Variants in RASSF5 observed in about 807,000 individuals in gnomAD.
RASSF5 encodes the protein Ras association domain family member 5.
RASSF5 carries 25 observed loss-of-function variants against 40.5 expected under a neutral mutation model. The ratio of observed to expected loss-of-function variants is 0.62; its 90% CI spans 0.45 to 0.86. The LOEUF is 0.86. RASSF5 is among the 40% of genes least tolerant of loss of function. RASSF5 has a pLI of 0.00. For synonymous variants in RASSF5, 246 were observed against 252.4 expected (o/e 0.97, Z 0.24); for missense variants, 521 against 572.8 (o/e 0.91, Z 0.92).
chr1:206,518,477 G>T (rs1356258671), intron 1 of RASSF5: 1 of 398,552 alleles, frequency 2.5e-6, no homozygotes, highest in East Asian at 3.6e-5. Context: ...GGCTCCCGAA[G>T]AGCCGCTCGG....
rs151096829 is a variant in RASSF5 at position 206,588,249 on chromosome 1, G to C, written c.*1271G>C. On this transcript the variant is annotated 3_prime_UTR_variant, in exon 6 of 6. Coordinates refer to ENST00000579436, the MANE Select transcript of RASSF5 (RefSeq NM_182663.4). ...GTGGGAGACAAGGCCAGGAGAGCCC[G>C]CGTTCAGTATGGGTTGAGGGTCACA... 5 of 152,760 alleles carry C rather than the reference G, an allele frequency of 3.3e-5. No homozygotes were observed. The highest frequency in any genetic ancestry group is 7.3e-5 in the Non-Finnish European group (5 of 68,066). The allele number at this position is 152,760 out of a possible 1,614,324, so 9.5% of individuals were successfully genotyped here.
chr1:206,516,287 C>A (rs1558495316), intron 1 of RASSF5, among the ~76,000 whole-genome samples: 1 of 152,188 alleles, frequency 6.6e-6, no homozygotes, highest in African/African-American at 2.4e-5. Context: ...GAATGAAGAT[C>A]CTAGAGCTTC....
chr1:206,563,655 T>C (rs1477051146), intron 2 of RASSF5, among the ~76,000 whole-genome samples: 1 of 152,214 alleles, frequency 6.6e-6, no homozygotes, highest in East Asian at 1.9e-4. Flanking sequence ...TCTGCTTTTC[T>C]AATACTTTTC....
In RASSF5 at chr1:206,535,816, G is replaced by C. The variant is rs555197048; in HGVS notation, c.458-2356G>C. Among the ~76,000 whole-genome samples, 1 of 151,914 alleles carries C rather than the reference G, an allele frequency of 6.6e-6. No homozygotes were observed. Among genetic ancestry groups the C allele is most frequent in the East Asian group, 1.9e-4 (1 of 5,150 alleles). On this transcript the variant is annotated intron_variant, in intron 1 of 5. Coordinates refer to ENST00000579436, the MANE Select transcript of RASSF5 (RefSeq NM_182663.4). The surrounding 1 kb of genome is among the most constrained non-coding windows in gnomAD (Gnocchi z 5.0). The stretch of plus-strand genomic sequence containing the variant: ...GGACATAGACTGCCTGTGCCAACAG[G>C]ACAAGGAGCTAAAAGAGGAGGAGAG...
intron 1 of RASSF5, among the ~76,000 whole-genome samples, chr1:206,511,586 C>A (rs1203433907): frequency 6.6e-6 from 1 of 152,036 alleles, no homozygotes; most frequent in African/African-American, 2.4e-5. Flanking sequence ...CCAGAGGGGG[C>A]GTTATTCAGA....
At chr1:206,509,713 G>A (rs1179851988) in intron 1 of RASSF5, among the ~76,000 whole-genome samples, 3 of 138,996 alleles carry the variant, frequency 2.2e-5, no homozygotes, top group African/African-American at 8.2e-5. Context: ...TTTGCACATA[G>A]TTTTGTGATT....
chr1:206,511,917 G>A (rs1666626460), intron 1 of RASSF5, among the ~76,000 whole-genome samples: 1 of 152,096 alleles, frequency 6.6e-6, no homozygotes, highest in Non-Finnish European at 1.5e-5. Context: ...AAGGCTCCTG[G>A]GACATTGGCA....
intron 2 of RASSF5, chr1:206,557,513 C>T: frequency 1.2e-6 from 2 of 1,604,730 alleles, no homozygotes; most frequent in South Asian, 2.2e-5. Flanking sequence ...CCTCCCTCCG[C>T]CGCATCCCAA....
rs1409080601 is a variant in RASSF5, at chr1:206,513,756, C to T, written c.457+5697C>T. Among the ~76,000 whole-genome samples, 1 of 152,104 alleles carries T rather than the reference C, an allele frequency of 6.6e-6. No homozygotes were observed. The highest frequency in any genetic ancestry group is 2.4e-5 in the African/African-American group (1 of 41,408). ...CATGTTCCGGGCTGGATCTCAGGGT[C>T]GGAAGGGGAACAGAGCCAGTTTTGG... On this transcript the variant is annotated intron_variant, in intron 1 of 5. Coordinates refer to ENST00000579436, the MANE Select transcript of RASSF5 (RefSeq NM_182663.4). This position sits in a 1 kb window ranked among gnomAD's most constrained non-coding sequence, Gnocchi z 5.0.
intron 2 of RASSF5, among the ~76,000 whole-genome samples, chr1:206,574,438 C>A (rs1375335852): frequency 1.3e-5 from 2 of 152,176 alleles, no homozygotes; most frequent in Non-Finnish European, 2.9e-5. Flanking sequence ...TTACTACTGG[C>A]GGACTGTTGA....
chr1:206,551,363 G>C (rs1022553860), intron 2 of RASSF5, among the ~76,000 whole-genome samples: 1 of 152,142 alleles, frequency 6.6e-6, no homozygotes, highest in African/African-American at 2.4e-5. Context: ...CCAGTCCCCC[G>C]CTCCCTCCAC....
At chr1:206,518,327 C>G (rs533710674) in intron 1 of RASSF5, 10 of 397,698 alleles carry the variant, frequency 2.5e-5, no homozygotes, top group African/African-American at 6.2e-5. Flanking sequence ...AGCCCTCCCC[C>G]ACCCGGCACT....
chr1:206,538,472 A>G (rs915242276), intron 2 of RASSF5, among the ~76,000 whole-genome samples, 179 bp downstream of exon 2: 3 of 152,150 alleles, frequency 2.0e-5, no homozygotes, highest in Admixed American at 1.3e-4. Context: ...GACACAGAGA[A>G]CTCTGAAGAT....
At chr1:206,532,706 T>C (rs947025178) in intron 1 of RASSF5, among the ~76,000 whole-genome samples, 4 of 152,164 alleles carry the variant, frequency 2.6e-5, no homozygotes, top group South Asian at 2.1e-4. Context: ...GGATTGACCA[T>C]AGGGGAGGCT....
chr1:206,533,321 G>A lies in RASSF5; in HGVS notation c.458-4851G>A, dbSNP rs187426578. Among the ~76,000 whole-genome samples the A allele has an allele frequency of 7.9e-5, 12 of 152,192 alleles. No individual in the cohort carries two copies. In the East Asian group the frequency reaches 2.1e-3, roughly 27 times the overall value. ...CCTAACCTCCCTGTCCTGTCCTGCC[G>A]GCCCACTGTGATCTCTGGAGGAGGT... On this transcript the variant is annotated intron_variant, in intron 1 of 5. Coordinates refer to ENST00000579436, the MANE Select transcript of RASSF5 (RefSeq NM_182663.4).
At chr1:206,566,798 G>A (rs559994859) in intron 2 of RASSF5, among the ~76,000 whole-genome samples, 1 of 152,198 alleles carries the variant, frequency 6.6e-6, no homozygotes, top group Non-Finnish European at 1.5e-5. Flanking sequence ...ACACCTCGCC[G>A]CTCTTTCTCT....
intron 1 of RASSF5, among the ~76,000 whole-genome samples, chr1:206,527,402 A>G (rs1553397370): frequency 6.6e-6 from 1 of 152,192 alleles, no homozygotes; most frequent in East Asian, 1.9e-4. Flanking sequence ...TGGAGCCTGA[A>G]CTTGGCTGAA....
chr1:206,583,311 C>T lies in RASSF5; in HGVS notation c.622C>T (p.Leu208=). 2 of 1,613,956 alleles carry T rather than the reference C, an allele frequency of 1.2e-6. No individual in the cohort carries two copies. The highest frequency in any genetic ancestry group is 1.7e-6 in the Non-Finnish European group (2 of 1,179,920). The change falls in exon 3 of 6, where the codon CTG becomes TTG. Residue 208 remains leucine, a synonymous_variant. Coordinates refer to ENST00000579436, the MANE Select transcript of RASSF5 (RefSeq NM_182663.4). ...PVEETQRPPT[L]QEIKQKIDSY... is the part of the protein sequence containing the mutation. Reference sequence around the variant, plus strand: ...GGAGGAGACACAGCGCCCGCCCACACTGCAGGAGATCAAGCAGAAGATCGA... The same window carrying T: ...GGAGGAGACACAGCGCCCGCCCACATTGCAGGAGATCAAGCAGAAGATCGA...
chr1:206,552,484 C>T lies in RASSF5; in HGVS notation c.579+14191C>T, dbSNP rs1364411771. ...AAGGGTGGCTTCTGGGAATGTGGAT[C>T]GAATTTTGTGCAGCTGTAATGAGGG... On this transcript the variant is annotated intron_variant, in intron 2 of 5. Transcript: ENST00000579436. The surrounding 1 kb of genome is among the most constrained non-coding windows in gnomAD (Gnocchi z 4.1). Among the ~76,000 whole-genome samples, 2 of 152,050 alleles carry T rather than the reference C, an allele frequency of 1.3e-5. No homozygotes were observed. Among genetic ancestry groups the T allele is most frequent in the East Asian group, 1.9e-4 (1 of 5,192 alleles).
Sources: gnomAD v4.1 joint callset for allele counts (sites outside exome capture counted in the v4.1 genomes callset) on GRCh38, gnomAD v4.1.1 for gene constraint, Gnocchi (gnomAD v3.1) non-coding constraint, MANE v1.5 for transcripts, NCBI Gene and HGNC (gene_info 2026-07-23, HGNC 2026-07-21) for gene names.